TET1: variants seen among roughly 807,000 people sequenced by gnomAD.
The protein encoded by TET1 is tet methylcytosine dioxygenase 1.
In TET1, 13 loss-of-function variants were observed where a neutral mutation model predicts 148.7. The ratio of observed to expected loss-of-function variants is 0.09; its 90% CI spans 0.06 to 0.14. The LOEUF is 0.14. TET1 is among the 10% of genes least tolerant of loss of function. TET1 has a pLI of 1.00. For missense variants in TET1, 2,182 were observed against 2,553.8 expected (o/e 0.85, Z 3.14); for synonymous variants, 907 against 937.2 (o/e 0.97, Z 0.59).
chr10:68,630,429 AGCCTCCTCCTGAGTAGCTAG>A (rs2054552672), intron 3 of TET1, among the ~76,000 whole-genome samples: 1 of 152,190 alleles, frequency 6.6e-6, no homozygotes, highest in Non-Finnish European at 1.5e-5. Context: ...CTCCTGCCTC[AGCCTCCTCCTGAGTAGCTAG>A]GATTTTAGGC....
chr10:68,669,181 G>T (rs181067181), intron 7 of TET1, among the ~76,000 whole-genome samples: 6 of 151,980 alleles, frequency 3.9e-5, no homozygotes, highest in Admixed American at 1.3e-4. Flanking sequence ...GGAGTTTGCC[G>T]TTACAGTGAG....
chr10:68,613,327 A>G (rs1291171142), intron 3 of TET1, among the ~76,000 whole-genome samples: 1 of 152,178 alleles, frequency 6.6e-6, no homozygotes, highest in East Asian at 1.9e-4. Context: ...TTGTAAAAAA[A>G]TCTTTTGATT....
intron 2 of TET1, among the ~76,000 whole-genome samples, chr10:68,585,572 C>T (rs773534288): frequency 6.6e-6 from 1 of 151,990 alleles, no homozygotes; most frequent in African/African-American, 2.4e-5. Flanking sequence ...GTGATCCCAC[C>T]CCCTCAGAAT....
intron 4 of TET1, among the ~76,000 whole-genome samples, chr10:68,648,090 A>G (rs925806463): frequency 2.0e-5 from 3 of 152,226 alleles, no homozygotes; most frequent in Non-Finnish European, 1.5e-5. Context: ...AACATGAGTC[A>G]TGTGCTAATA....
rs986476055 is a variant in TET1, at chr10:68,560,523, T to C, written c.-342T>C. On this transcript the variant is annotated 5_prime_UTR_variant, in exon 1 of 12. Coordinates refer to ENST00000373644, the MANE Select transcript of TET1 (RefSeq NM_030625.3). ...TGCAGCCCTACCTGCCTCTCCACTG[T>C]GGACCTTTGGGAACCGACTCCTCAC... 2 of 152,370 alleles carry C rather than the reference T, an allele frequency of 1.3e-5. No individual in the cohort carries two copies. Among genetic ancestry groups the C allele is most frequent in the Non-Finnish European group, 2.9e-5 (2 of 68,154 alleles). 9.4% of individuals were successfully genotyped at this position (152,370 alleles called of 1,614,324 possible).
intron 3 of TET1, among the ~76,000 whole-genome samples, chr10:68,636,116 G>A (rs1029361477): frequency 1.3e-5 from 2 of 152,180 alleles, no homozygotes; most frequent in Non-Finnish European, 2.9e-5. Flanking sequence ...GTTTGAGGCA[G>A]ATTGGGTGGT....
chr10:68,608,079 C>G (rs1413384951), intron 3 of TET1, among the ~76,000 whole-genome samples: 1 of 151,754 alleles, frequency 6.6e-6, no homozygotes, highest in Non-Finnish European at 1.5e-5. Context: ...CAGGTGCATA[C>G]CACCGCACCC....
chr10:68,686,820 A>G (rs2055518166), intron 11 of TET1, 113 bp downstream of exon 11: 2 of 970,818 alleles, frequency 2.1e-6, no homozygotes, highest in Non-Finnish European at 3.0e-6. Context: ...ATATATTTTT[A>G]CATATACCAG....
chr10:68,630,397 T>C (rs1474247736), intron 3 of TET1, among the ~76,000 whole-genome samples: 3 of 152,212 alleles, frequency 2.0e-5, no homozygotes, highest in Non-Finnish European at 2.9e-5. Context: ...CTGCAACCTC[T>C]GCCTCCCATG....
chr10:68,653,861 C>T (rs2054976704), intron 6 of TET1, among the ~76,000 whole-genome samples: 1 of 152,090 alleles, frequency 6.6e-6, no homozygotes. Context: ...AATCCTAACA[C>T]TTTGGGAGGC....
intron 2 of TET1, among the ~76,000 whole-genome samples, chr10:68,577,942 G>A (rs1208560565): frequency 1.3e-5 from 2 of 152,012 alleles, no homozygotes; most frequent in Admixed American, 6.6e-5. Flanking sequence ...TGGCACCATT[G>A]CATACCAGCT....
intron 3 of TET1, among the ~76,000 whole-genome samples, chr10:68,640,903 A>G (rs116725004): frequency 0.013 from 2,047 of 151,810 alleles, 58 homozygotes; most frequent in African/African-American, 0.047. Context: ...TAATATTTAT[A>G]CAATATTTAT....
At chr10:68,585,060 A>G (rs1458616465) in intron 2 of TET1, among the ~76,000 whole-genome samples, 2 of 152,032 alleles carry the variant, frequency 1.3e-5, no homozygotes, top group African/African-American at 4.8e-5. Flanking sequence ...TCTTGAGTGC[A>G]ATGGCATGAT....
chr10:68,673,991 C>T (rs1283793931), intron 8 of TET1, among the ~76,000 whole-genome samples: 15 of 72,650 alleles, frequency 2.1e-4, no homozygotes, highest in Admixed American at 4.4e-4. Flanking sequence ...GACAGAGTTT[C>T]GCTCTTGTTG....
chr10:68,640,745 A>G (rs7100742), intron 3 of TET1, among the ~76,000 whole-genome samples: 24,933 of 149,170 alleles, frequency 0.17, 2,138 homozygotes, highest in South Asian at 0.2. Context: ...TAGAGATGGG[A>G]TTTCACCATG....
intron 2 of TET1, among the ~76,000 whole-genome samples, chr10:68,593,594 T>C (rs894718590): frequency 2.0e-5 from 3 of 151,860 alleles, no homozygotes; most frequent in Non-Finnish European, 4.4e-5. Context: ...TGCGCCACCA[T>C]ACCTGGCTAA....
At chr10:68,590,082 TGA>T (rs1216988788) in intron 2 of TET1, among the ~76,000 whole-genome samples, 1 of 152,184 alleles carries the variant, frequency 6.6e-6, no homozygotes, top group African/African-American at 2.4e-5. Context: ...TTGTACGGAC[TGA>T]GAGTCAAGTG....
At chr10:68,678,444 G>C (rs74393501) in intron 8 of TET1, among the ~76,000 whole-genome samples, 1 of 152,276 alleles carries the variant, frequency 6.6e-6, no homozygotes, top group East Asian at 1.9e-4. Context: ...TGGTCCTAGA[G>C]ATTAGATACA....
rs374751460 is a variant in TET1, at chr10:68,657,802, A to T, written c.4461+5208A>T. 2.5e-3 allele frequency among the ~76,000 whole-genome samples: 377 copies of T among 152,318 alleles called. 3 individuals are homozygous for T. Among genetic ancestry groups the T allele is most frequent in the African/African-American group, 8.7e-3 (360 of 41,570 alleles). On this transcript the variant is annotated intron_variant, in intron 6 of 11. Coordinates refer to ENST00000373644, the MANE Select transcript of TET1 (RefSeq NM_030625.3). ...TAAACTTTAGGTAGAGGTTGAATGAAAATTGGAATTAAAAAATGTCCATGA... is the reference window on the plus strand; with the variant it reads ...TAAACTTTAGGTAGAGGTTGAATGATAATTGGAATTAAAAAATGTCCATGA...
Sources: allele counts gnomAD v4.1 joint callset (sites outside exome capture counted in the v4.1 genomes callset), GRCh38; gene constraint gnomAD v4.1.1; transcripts MANE v1.5; gene names NCBI Gene and HGNC (gene_info 2026-07-23, HGNC 2026-07-21).